The following GALNTL6 variants were observed in gnomAD, a reference collection of about 807,000 sequenced individuals.
GALNTL6 encodes polypeptide N-acetylgalactosaminyltransferase-like 6.
In GALNTL6, 46 loss-of-function variants were observed where a neutral mutation model predicts 73.7. The ratio of observed to expected loss-of-function variants is 0.62; its 90% confidence interval spans 0.49 to 0.80. GALNTL6 has a LOEUF of 0.80. GALNTL6 is among the 30% of genes least tolerant of loss of function. The pLI, the probability that GALNTL6 is intolerant of heterozygous loss-of-function variation, is 0.00. For synonymous variants in GALNTL6, 259 were observed against 263.7 expected, an observed-to-expected ratio of 0.98 and a Z score of 0.17; for missense variants, 604 against 755.0, an observed-to-expected ratio of 0.80 and a Z score of 2.34.
chr4:172,516,588 G>A (rs1257683752), intron 5 of GALNTL6, among the ~76,000 whole-genome samples: 1 of 152,022 alleles, frequency 6.6e-6, no homozygotes, highest in Non-Finnish European at 1.5e-5. Flanking sequence ...CCGTATGGGT[G>A]TTCCTTAAAT....
intron 2 of GALNTL6, among the ~76,000 whole-genome samples, chr4:172,075,621 C>A (rs1272123975): frequency 6.6e-6 from 1 of 152,106 alleles, no homozygotes; most frequent in African/African-American, 2.4e-5. Context: ...AGGCTTGAGC[C>A]ACCGCGCCCG....
At chr4:172,439,802 A>G (rs114736084) in intron 5 of GALNTL6, among the ~76,000 whole-genome samples, 4,204 of 152,154 alleles carry the variant, frequency 0.028, 64 homozygotes, top group Non-Finnish European at 0.043. Flanking sequence ...GTGCACATCA[A>G]TATTGAATGG....
chr4:172,679,495 T>A (rs1732508128), intron 5 of GALNTL6, among the ~76,000 whole-genome samples: 1 of 152,244 alleles, frequency 6.6e-6, no homozygotes, highest in South Asian at 2.1e-4. Flanking sequence ...CTTGCCAATT[T>A]CTGGTCTAAA....
At position 172,227,725 on chromosome 4, in the gene GALNTL6, T is replaced by G. The variant is rs949369831; in HGVS notation, c.139-1931T>G. ...ATCTGATGCTTTATTGTCATTTTCA[T>G]TTGGCTGCTGGAGAGAGTAAATGTT... On this transcript the variant is annotated intron_variant, in intron 2 of 12. Coordinates refer to ENST00000506823, the MANE Select transcript of GALNTL6 (RefSeq NM_001034845.3). Among the ~76,000 whole-genome samples the G allele has an allele frequency of 3.3e-5, 5 of 152,308 alleles. No homozygotes were observed. In the East Asian group the frequency reaches 7.7e-4, roughly 23 times the overall value.
chr4:172,571,787 A>G (rs1020483478), intron 5 of GALNTL6, among the ~76,000 whole-genome samples: 2 of 152,200 alleles, frequency 1.3e-5, no homozygotes, highest in Non-Finnish European at 1.5e-5. Flanking sequence ...GCAGTTCTCT[A>G]TGGTTTCTAA....
intron 2 of GALNTL6, among the ~76,000 whole-genome samples, chr4:172,065,236 A>C (rs1225604482): frequency 1.3e-5 from 2 of 152,114 alleles, no homozygotes; most frequent in Non-Finnish European, 2.9e-5. Context: ...TCTCATAAGG[A>C]GCATGCAACC....
intron 2 of GALNTL6, among the ~76,000 whole-genome samples, chr4:171,883,156 G>A (rs1736501975): frequency 6.6e-6 from 1 of 152,036 alleles, no homozygotes; most frequent in Non-Finnish European, 1.5e-5. Context: ...TTCAAGAGTA[G>A]CCTGACAAAC....
intron 5 of GALNTL6, among the ~76,000 whole-genome samples, chr4:172,453,591 A>G (rs1488547319): frequency 3.3e-5 from 5 of 152,226 alleles, no homozygotes; most frequent in African/African-American, 1.2e-4. Context: ...AGTCTACTTA[A>G]TCCTTTACCT....
chr4:172,104,550 T>G (rs531221124), intron 2 of GALNTL6, among the ~76,000 whole-genome samples: 1 of 152,248 alleles, frequency 6.6e-6, no homozygotes, highest in East Asian at 1.9e-4. Flanking sequence ...TTTCATTATT[T>G]GAAATAATGA....
intron 10 of GALNTL6, among the ~76,000 whole-genome samples, chr4:172,976,141 GC>G (rs1488579416): frequency 1.3e-5 from 2 of 152,162 alleles, no homozygotes; most frequent in African/African-American, 4.8e-5. Flanking sequence ...GGACACCTCT[GC>G]CATCACTGGT....
intron 2 of GALNTL6, among the ~76,000 whole-genome samples, chr4:172,140,888 A>C (rs1326211244): frequency 6.6e-6 from 1 of 152,066 alleles, no homozygotes; most frequent in Admixed American, 6.6e-5. Context: ...AAGGGCTAAT[A>C]GTAAAAAGTA....
chr4:172,235,744 G>T (rs1161590376), intron 3 of GALNTL6, among the ~76,000 whole-genome samples: 2 of 152,048 alleles, frequency 1.3e-5, no homozygotes, highest in East Asian at 3.9e-4. Flanking sequence ...TGTTACTCCA[G>T]TTCTCAGCAT....
intron 2 of GALNTL6, among the ~76,000 whole-genome samples, chr4:171,870,019 G>C (rs1268085724): frequency 1.3e-5 from 2 of 152,120 alleles, no homozygotes; most frequent in Admixed American, 6.5e-5. Flanking sequence ...TCTGGTGAGG[G>C]AACATATTTA....
chr4:172,647,217 C>G (rs978627874), intron 5 of GALNTL6, among the ~76,000 whole-genome samples: 3 of 152,004 alleles, frequency 2.0e-5, no homozygotes, highest in Non-Finnish European at 2.9e-5. Flanking sequence ...GCCAGGTAGA[C>G]TTTAGGAGAA....
intron 2 of GALNTL6, among the ~76,000 whole-genome samples, chr4:171,968,406 C>T (rs949888011): frequency 3.9e-5 from 6 of 152,126 alleles, no homozygotes; most frequent in Non-Finnish European, 7.3e-5. Flanking sequence ...TGGAATTGCT[C>T]GTCTTTTAAA....
At chr4:171,874,657 G>C (rs1185568950) in intron 2 of GALNTL6, among the ~76,000 whole-genome samples, 2 of 152,200 alleles carry the variant, frequency 1.3e-5, no homozygotes, top group Non-Finnish European at 2.9e-5. Flanking sequence ...TGTAGGAACA[G>C]ACACTTGCAG....
At chr4:173,022,759 G>T (rs1753068384) in intron 12 of GALNTL6, among the ~76,000 whole-genome samples, 1 of 152,024 alleles carries the variant, frequency 6.6e-6, no homozygotes, top group African/African-American at 2.4e-5. Context: ...GTGAATGGTA[G>T]GAAAAATTCA....
Position 172,809,678 on chromosome 4 carries a change from T to C in GALNTL6, c.739+132T>C, listed in dbSNP as rs546807678. 6 of 620,486 alleles carry C rather than the reference T, an allele frequency of 9.7e-6. No individual in the cohort carries two copies. The highest frequency in any genetic ancestry group is 1.3e-5 in the Non-Finnish European group (5 of 370,504). The allele number at this position is 620,486 out of a possible 1,614,324, so 38.4% of individuals were successfully genotyped here. On this transcript the variant is annotated intron_variant, in intron 6 of 12. Coordinates refer to ENST00000506823, the MANE Select transcript of GALNTL6 (RefSeq NM_001034845.3). The surrounding 1 kb of genome is among the most constrained non-coding windows in gnomAD (Gnocchi z 4.4). ...TTTCCAGGGGAAGCCTTGAATTTTA[T>C]ATTTACCACTGCTGAAAACAGTTTA...
intron 5 of GALNTL6, among the ~76,000 whole-genome samples, chr4:172,418,385 C>G (rs1212627882): frequency 1.3e-5 from 2 of 152,082 alleles, no homozygotes; most frequent in East Asian, 3.9e-4. Context: ...AGACATAACC[C>G]AGCAGGGCCT....
Sources: allele counts gnomAD v4.1 joint callset (sites outside exome capture counted in the v4.1 genomes callset), GRCh38; gene constraint gnomAD v4.1.1; non-coding constraint Gnocchi (gnomAD v3.1); transcripts MANE v1.5; gene names NCBI Gene and HGNC (gene_info 2026-07-23, HGNC 2026-07-21).